The following CNOT6 variants were observed in gnomAD, a reference collection of about 807,000 sequenced individuals.
CNOT6 encodes the protein CCR4-NOT transcription complex subunit 6.
In CNOT6, 12 loss-of-function variants were observed where a neutral mutation model predicts 61.2. That is an observed-to-expected ratio of 0.20 (90% confidence interval 0.13 to 0.32). CNOT6 has a LOEUF of 0.32. CNOT6 is among the 10% of genes least tolerant of loss of function. CNOT6 has a pLI of 1.00. For missense variants in CNOT6, 405 were observed against 663.9 expected, an observed-to-expected ratio of 0.61 and a Z score of 4.28; for synonymous variants, 225 against 240.6, an observed-to-expected ratio of 0.94 and a Z score of 0.60.
intron 1 of CNOT6, among the ~76,000 whole-genome samples, chr5:180,512,442 G>A (rs1259740016): frequency 6.6e-6 from 1 of 152,106 alleles, no homozygotes; most frequent in Non-Finnish European, 1.5e-5. Context: ...CTGGAAAGGT[G>A]GAATATTTTG....
chr5:180,573,706 A>G (rs542537550), intron 11 of CNOT6, among the ~76,000 whole-genome samples: 79 of 152,092 alleles, frequency 5.2e-4, no homozygotes, highest in African/African-American at 1.8e-3. Context: ...AAGCAGGGAA[A>G]GTGGCACAAA....
chr5:180,506,207 G>C (rs2387288), intron 1 of CNOT6, among the ~76,000 whole-genome samples: 69,507 of 151,918 alleles, frequency 0.46, 17,123 homozygotes, highest in Non-Finnish European at 0.56. Context: ...TCTCAGTTTC[G>C]TCTTCTATAA....
In CNOT6 at chr5:180,529,333, T is replaced by C; in HGVS notation, c.57T>C (p.Ser19=). The change falls in exon 2 of 12, where the codon TCT becomes TCC. Residue 19 remains serine (S), a synonymous_variant. Transcript: ENST00000261951. The part of the protein sequence containing the change: ...PDPRRMYTIM[S]SEEAANGKKS... ...CTCGGAGGATGTATACAATTATGTC[T>C]TCTGAGGAAGCAGCAAATGGAAAGA... The C allele has an allele frequency of 6.2e-7, 1 of 1,613,950 alleles. No individual in the cohort carries two copies. The highest frequency in any genetic ancestry group is 8.5e-7 in the Non-Finnish European group (1 of 1,179,908).
At chr5:180,524,663 G>A (rs1758016232) in intron 1 of CNOT6, among the ~76,000 whole-genome samples, 1 of 152,164 alleles carries the variant, frequency 6.6e-6, no homozygotes, top group South Asian at 2.1e-4. Context: ...ATGGTTTTCA[G>A]ATTTCTTAGT....
intron 2 of CNOT6, among the ~76,000 whole-genome samples, chr5:180,532,510 T>G (rs1758443818): frequency 6.6e-6 from 1 of 152,146 alleles, no homozygotes; most frequent in Non-Finnish European, 1.5e-5. Flanking sequence ...CAACCCATGT[T>G]TTTTCTTTGC....
intron 4 of CNOT6, among the ~76,000 whole-genome samples, chr5:180,556,571 A>G (rs183700965): frequency 7.9e-5 from 12 of 150,986 alleles, no homozygotes; most frequent in African/African-American, 1.7e-4. Context: ...GAACATCTCT[A>G]TCACCAGAAG....
Position 180,573,552 on chromosome 5 carries a change from AGTGTGTGT to A in CNOT6, c.1462-393_1462-386del, listed in dbSNP as rs755954581. ...TCCAGGCAGAATGGTGGAGGGGGGC[AGTGTGTGT>A]GTGTGTGTGTGTGTGTGTGTGTGTG... is the stretch of plus-strand genomic sequence containing the variant. On this transcript the variant is annotated intron_variant, in intron 11 of 11. Coordinates refer to ENST00000261951, the MANE Select transcript of CNOT6 (RefSeq NM_001370472.1). Among the ~76,000 whole-genome samples, 1,059 of 119,214 alleles carry A rather than the reference AGTGTGTGT, an allele frequency of 8.9e-3. 18 individuals are homozygous for A. Among genetic ancestry groups the A allele is most frequent in the African/African-American group, 0.03 (933 of 31,098 alleles). The allele number at this position is 119,214 out of a possible 152,430, so 78.2% of individuals were successfully genotyped here.
At chr5:180,495,895 T>C (rs1219322489) in intron 1 of CNOT6, 1 of 152,282 alleles carries the variant, frequency 6.6e-6, no homozygotes, top group African/African-American at 2.4e-5. Flanking sequence ...TTAAGACATT[T>C]ATCACAGTCT....
rs1268331623 is a variant in CNOT6 at position 180,575,033 on chromosome 5, A to C, written c.*833A>C. The C allele has an allele frequency of 6.6e-6, 1 of 152,624 alleles. No homozygotes were observed. The highest frequency in any genetic ancestry group is 1.5e-5 in the Non-Finnish European group (1 of 68,032). 9.5% of individuals were successfully genotyped at this position (152,624 alleles called of 1,614,324 possible). On this transcript the variant is annotated 3_prime_UTR_variant, in exon 12 of 12. Coordinates refer to ENST00000261951, the MANE Select transcript of CNOT6 (RefSeq NM_001370472.1). ...TGAATGTAATGGTTGATATATGTACATTCTGATATTTTTAAATCTTTAACT... is the reference window on the plus strand; with the variant it reads ...TGAATGTAATGGTTGATATATGTACCTTCTGATATTTTTAAATCTTTAACT...
chr5:180,541,142 A>T (rs1464492588), intron 2 of CNOT6, among the ~76,000 whole-genome samples: 1 of 145,882 alleles, frequency 6.9e-6, no homozygotes, highest in African/African-American at 2.5e-5. Context: ...TAAATTAAGA[A>T]TTTTTTTTTT....
chr5:180,551,586 C>A (rs1759604826), intron 3 of CNOT6, among the ~76,000 whole-genome samples: 1 of 152,108 alleles, frequency 6.6e-6, no homozygotes, highest in Non-Finnish European at 1.5e-5. Flanking sequence ...TAGATAAGAT[C>A]TAACCAAGTT....
chr5:180,532,021 A>T (rs34207595), intron 2 of CNOT6, among the ~76,000 whole-genome samples: 1 of 152,182 alleles, frequency 6.6e-6, no homozygotes, highest in Non-Finnish European at 1.5e-5. Flanking sequence ...GATTTCTAGA[A>T]TGCTGGACTT....
intron 2 of CNOT6, among the ~76,000 whole-genome samples, chr5:180,541,237 G>A (rs1324789099): frequency 6.6e-6 from 1 of 150,524 alleles, no homozygotes; most frequent in Non-Finnish European, 1.5e-5. Flanking sequence ...CTCCCTGGTT[G>A]AAGTGATTCT....
chr5:180,565,685 G>A (rs889400495), intron 6 of CNOT6, 135 bp from the exon 7 acceptor site: 22 of 743,954 alleles, frequency 3.0e-5, no homozygotes, highest in South Asian at 1.9e-4. Flanking sequence ...CATATGTGGC[G>A]TACAGTAGCT....
chr5:180,507,956 G>A (rs1048340273), intron 1 of CNOT6, among the ~76,000 whole-genome samples: 3 of 152,174 alleles, frequency 2.0e-5, no homozygotes, highest in African/African-American at 7.2e-5. Flanking sequence ...AGCCACCCCT[G>A]TAATCCAGTC....
chr5:180,572,304 C>G (rs1760789043), intron 11 of CNOT6, among the ~76,000 whole-genome samples: 1 of 152,174 alleles, frequency 6.6e-6, no homozygotes, highest in Non-Finnish European at 1.5e-5. Context: ...ATTCTCATAC[C>G]TCAGCCTCCC....
chr5:180,531,018 C>T (rs1299773963), intron 2 of CNOT6, among the ~76,000 whole-genome samples: 2 of 152,238 alleles, frequency 1.3e-5, no homozygotes, highest in African/African-American at 2.4e-5. Flanking sequence ...CCCCACATTT[C>T]CCCCTTTTCT....
At chr5:180,535,521 G>T (rs143729845) in intron 2 of CNOT6, among the ~76,000 whole-genome samples, 10 of 152,134 alleles carry the variant, frequency 6.6e-5, no homozygotes, top group Admixed American at 6.6e-4. Context: ...GTATTTCTTG[G>T]TGTATATATA....
chr5:180,531,987 G>C (rs576873118), intron 2 of CNOT6, among the ~76,000 whole-genome samples: 1 of 152,332 alleles, frequency 6.6e-6, no homozygotes, highest in Non-Finnish European at 1.5e-5. Context: ...GGAGACCGGG[G>C]AGAGGGAGAG....
Sources: gnomAD v4.1 joint callset for allele counts (sites outside exome capture counted in the v4.1 genomes callset) on GRCh38, gnomAD v4.1.1 for gene constraint, MANE v1.5 for transcripts, NCBI Gene and HGNC (gene_info 2026-07-23, HGNC 2026-07-21) for gene names.